The following SCMH1 variants were observed in gnomAD, a reference collection of about 807,000 sequenced individuals.
SCMH1 encodes the protein Scm polycomb group protein homolog 1.
In SCMH1, 37 loss-of-function variants were observed where a neutral mutation model predicts 70.8. The observed-to-expected ratio is 0.52, with a 90% CI of 0.40 to 0.69. SCMH1 has a LOEUF of 0.69. Ranked by LOEUF, SCMH1 falls within the 30% of genes least tolerant of loss-of-function variation. The pLI is 0.00. For synonymous variants in SCMH1, 292 were observed against 307.4 expected (o/e 0.95, Z 0.52); for missense variants, 607 against 827.3 (o/e 0.73, Z 3.27).
chr1:41,150,098 T>C (rs1399976058), intron 5 of SCMH1, among the ~76,000 whole-genome samples: 1 of 152,146 alleles, frequency 6.6e-6, no homozygotes, highest in Non-Finnish European at 1.5e-5. Flanking sequence ...CCCTGGGCCA[T>C]GGTCTGGAAA....
At chr1:41,070,087 T>C (rs557008267) in intron 10 of SCMH1, among the ~76,000 whole-genome samples, 1 of 152,334 alleles carries the variant, frequency 6.6e-6, no homozygotes, top group Non-Finnish European at 1.5e-5. Context: ...TTTTAGTTAC[T>C]GTCATAGACA....
intron 8 of SCMH1, among the ~76,000 whole-genome samples, chr1:41,095,364 C>T (rs927857314): frequency 3.9e-5 from 6 of 152,158 alleles, no homozygotes; most frequent in Non-Finnish European, 8.8e-5. Flanking sequence ...CTTGGATATA[C>T]TATGTGCAGT....
chr1:41,057,924 C>T (rs371985455), intron 10 of SCMH1, among the ~76,000 whole-genome samples: 4 of 152,106 alleles, frequency 2.6e-5, no homozygotes, highest in East Asian at 3.9e-4. Context: ...AGTTCAATAT[C>T]AGCCTGGGCA....
chr1:41,122,645 AG>A, intron 6 of SCMH1, among the ~76,000 whole-genome samples: 1 of 152,350 alleles, frequency 6.6e-6, no homozygotes, highest in Non-Finnish European at 1.5e-5. Flanking sequence ...ATCATCTTGC[AG>A]GTAAGGGCAC....
intron 7 of SCMH1, among the ~76,000 whole-genome samples, chr1:41,116,302 A>G (rs563538029): frequency 6.6e-6 from 1 of 152,332 alleles, no homozygotes; most frequent in African/African-American, 2.4e-5. Flanking sequence ...AATACCCTTT[A>G]CAGTAACTTT....
chr1:41,053,727 G>A (rs1649120656), intron 10 of SCMH1, among the ~76,000 whole-genome samples: 1 of 152,226 alleles, frequency 6.6e-6, no homozygotes, highest in Admixed American at 6.5e-5. Flanking sequence ...GACACACATG[G>A]CATTGGCTCT....
At chr1:41,061,526 C>T (rs1157664100) in intron 10 of SCMH1, among the ~76,000 whole-genome samples, 1 of 152,154 alleles carries the variant, frequency 6.6e-6, no homozygotes, top group Admixed American at 6.5e-5. Flanking sequence ...TCCAAGAAGA[C>T]ATATCATTCC....
chr1:41,028,991 CAGT>C (rs1644130324), intron 13 of SCMH1, among the ~76,000 whole-genome samples: 1 of 152,124 alleles, frequency 6.6e-6, no homozygotes, highest in Admixed American at 6.5e-5. Context: ...AAACCTGAGA[CAGT>C]GGTACCAACA....
At chr1:41,136,802 G>A (rs1382212581) in intron 6 of SCMH1, among the ~76,000 whole-genome samples, 2 of 121,042 alleles carry the variant, frequency 1.7e-5, no homozygotes, top group Non-Finnish European at 3.2e-5. Flanking sequence ...TTTTGAGACA[G>A]TATCTCACCC....
chr1:41,167,912 G>GTTTTTTT (rs1168969984), intron 2 of SCMH1, among the ~76,000 whole-genome samples: 1 of 27,090 alleles, frequency 3.7e-5, no homozygotes. Context: ...GCAGTGTTTT[G>GTTTTTTT]TTTTTTTTTT....
intron 8 of SCMH1, among the ~76,000 whole-genome samples, chr1:41,092,747 A>G (rs1006666543): frequency 8.5e-5 from 13 of 152,244 alleles, no homozygotes; most frequent in African/African-American, 3.1e-4. Context: ...GAAGACATTT[A>G]TGCAGCCAAC....
chr1:41,228,749 G>GA lies in SCMH1; in HGVS notation c.-118+13309dup, dbSNP rs113412121. On this transcript the variant is annotated intron_variant, in intron 1 of 14. Coordinates refer to ENST00000337495, the Ensembl canonical transcript of SCMH1. ...TGACAGAGCAAGATCCTGACTTGGGGAAAAAAAAAAAGAAAGGAATGTAGA... is the reference window on the plus strand; with the variant it reads ...TGACAGAGCAAGATCCTGACTTGGGGAAAAAAAAAAAAGAAAGGAATGTAGA... Among the ~76,000 whole-genome samples the GA allele has an allele frequency of 7.3e-3, 1,077 of 146,730 alleles. 9 individuals carry two copies. Among genetic ancestry groups the GA allele is most frequent in the Middle Eastern group, 0.028 (8 of 290 alleles).
chr1:41,205,625 G>C (rs12562300), intron 1 of SCMH1, among the ~76,000 whole-genome samples: 16,281 of 152,274 alleles, frequency 0.11, 996 homozygotes, highest in South Asian at 0.18. Context: ...GCTCAACAAG[G>C]CCTACTGCCT....
chr1:41,154,438 T>TGAAG (rs1428023663), intron 4 of SCMH1, among the ~76,000 whole-genome samples: 1 of 152,204 alleles, frequency 6.6e-6, no homozygotes, highest in African/African-American at 2.4e-5. Context: ...ATGTGAAAGA[T>TGAAG]GAAGACAATA....
intron 6 of SCMH1, among the ~76,000 whole-genome samples, chr1:41,124,946 T>C (rs374489157): frequency 2.5e-4 from 38 of 152,268 alleles, no homozygotes; most frequent in Non-Finnish European, 5.1e-4. Context: ...ATGTGGAGTA[T>C]TTCTCATTGC....
At chr1:41,227,153 C>T (rs1015069726) in intron 1 of SCMH1, among the ~76,000 whole-genome samples, 1 of 152,238 alleles carries the variant, frequency 6.6e-6, no homozygotes, top group Non-Finnish European at 1.5e-5. Flanking sequence ...ATGGAGCCTA[C>T]CTTCTGAGCC....
chr1:41,228,677 T>C (rs966042786), intron 1 of SCMH1, among the ~76,000 whole-genome samples: 4 of 151,420 alleles, frequency 2.6e-5, no homozygotes, highest in Admixed American at 6.6e-5. Flanking sequence ...TCCAGGTACT[T>C]AGGAGGCTGC....
At chr1:41,086,284 A>T (rs969081396) in intron 8 of SCMH1, among the ~76,000 whole-genome samples, 1 of 152,316 alleles carries the variant, frequency 6.6e-6, no homozygotes, top group East Asian at 1.9e-4. Context: ...TACGTAACTG[A>T]CATACAAAAC....
chr1:41,176,200 C>CA (rs764569782), intron 2 of SCMH1, among the ~76,000 whole-genome samples: 3,067 of 101,382 alleles, frequency 0.03, 74 homozygotes, highest in African/African-American at 0.076. Flanking sequence ...AAAAAAAAAA[C>CA]AAAAAAAAAA....
Sources: allele counts gnomAD v4.1 joint callset (sites outside exome capture counted in the v4.1 genomes callset), GRCh38; gene constraint gnomAD v4.1.1; transcripts MANE v1.5; gene names NCBI Gene and HGNC (gene_info 2026-07-23, HGNC 2026-07-21).